The following TXNDC5 variants were observed in gnomAD, a reference collection of about 807,000 sequenced individuals.
TXNDC5 encodes thioredoxin domain containing 5.
A neutral mutation model predicts 52.6 loss-of-function variants in TXNDC5; 44 were observed. The observed-to-expected ratio is 0.84, with a 90% confidence interval of 0.66 to 1.08. The LOEUF is 1.08. TXNDC5 is among the 50% of genes least tolerant of loss of function. TXNDC5 has a pLI of 0.00. For synonymous variants in TXNDC5, 241 were observed against 234.4 expected (o/e 1.03, Z -0.26); for missense variants, 600 against 565.5 (o/e 1.06, Z -0.62).
rs1036520034 is a variant in TXNDC5 at position 7,908,196 on chromosome 6, T to C, written c.263+2318A>G. ...TTCTCAGGAGGCTGAGGCAGGAGAATCGCTTAAACCCAGGAGGTGGAGGTT... is the reference window on the plus strand; with the variant it reads ...TTCTCAGGAGGCTGAGGCAGGAGAACCGCTTAAACCCAGGAGGTGGAGGTT... On this transcript the variant is annotated intron_variant, in intron 1 of 9. Transcript: ENST00000379757. Among the ~76,000 whole-genome samples the C allele has an allele frequency of 1.3e-4, 19 of 143,950 alleles. No homozygotes were observed. The East Asian group carries it at 3.7e-3, about 28-fold the overall frequency. 94.4% of individuals were successfully genotyped at this position (143,950 alleles called of 152,430 possible).
At chr6:7,893,950 CTA>C (rs1425934059) in intron 4 of TXNDC5, among the ~76,000 whole-genome samples, 2 of 152,128 alleles carry the variant, frequency 1.3e-5, no homozygotes, top group African/African-American at 4.8e-5. Flanking sequence ...TGAAACACAT[CTA>C]TGTGTGAATA....
chr6:7,903,742 T>C (rs1041296461), intron 2 of TXNDC5, among the ~76,000 whole-genome samples: 3 of 152,256 alleles, frequency 2.0e-5, no homozygotes, highest in African/African-American at 7.2e-5. Flanking sequence ...GAAGTGACCG[T>C]GGCAATCCCT....
At chr6:7,899,316 T>C (rs1760481249) in intron 3 of TXNDC5, among the ~76,000 whole-genome samples, 1 of 152,186 alleles carries the variant, frequency 6.6e-6, no homozygotes, top group African/African-American at 2.4e-5. Flanking sequence ...AACACCAAAA[T>C]GGTGGTAACT....
At chr6:7,892,769 G>A (rs1018662403) in intron 4 of TXNDC5, among the ~76,000 whole-genome samples, 6 of 152,190 alleles carry the variant, frequency 3.9e-5, no homozygotes, top group African/African-American at 1.2e-4. Context: ...GTGAGGCTTC[G>A]CCAGCCACGT....
chr6:7,909,690 A>C (rs183301116), intron 1 of TXNDC5: 1 of 816,582 alleles, frequency 1.2e-6, no homozygotes, highest in Non-Finnish European at 1.5e-6. Flanking sequence ...CCTGAGCTGC[A>C]GGGGGGCGGA....
chr6:7,908,067 G>A (rs1760794219), intron 1 of TXNDC5, among the ~76,000 whole-genome samples: 1 of 152,052 alleles, frequency 6.6e-6, no homozygotes, highest in Admixed American at 6.5e-5. Flanking sequence ...GGCAGAACAC[G>A]AGGTCAAGAG....
At chr6:7,898,773 CATG>C (rs34743502) in intron 3 of TXNDC5, among the ~76,000 whole-genome samples, 47,388 of 151,692 alleles carry the variant, frequency 0.31, 8,055 homozygotes, top group East Asian at 0.65. Context: ...GGTTTATGAT[CATG>C]ATGATTTATA....
At chr6:7,905,964 T>C (rs1164787516) in intron 1 of TXNDC5, among the ~76,000 whole-genome samples, 1 of 152,236 alleles carries the variant, frequency 6.6e-6, no homozygotes, top group Non-Finnish European at 1.5e-5. Context: ...TTTAAGTCGG[T>C]AGCAGTGGCT....
intron 4 of TXNDC5, among the ~76,000 whole-genome samples, chr6:7,893,730 C>T (rs976049453): frequency 6.6e-6 from 1 of 152,206 alleles, no homozygotes; most frequent in African/African-American, 2.4e-5. Context: ...GAAGGCCTCA[C>T]GATAAGTTAC....
At chr6:7,897,549 T>C (rs1229502714) in intron 3 of TXNDC5, among the ~76,000 whole-genome samples, 1 of 152,180 alleles carries the variant, frequency 6.6e-6, no homozygotes, top group Non-Finnish European at 1.5e-5. Context: ...GACACTAAAA[T>C]ATGGCAAGTT....
rs536932097 is a variant in TXNDC5, at chr6:7,892,092, A to G, written c.617-356T>C. Among the ~76,000 whole-genome samples, 225 of 152,348 alleles carry G rather than the reference A, an allele frequency of 1.5e-3. 1 individual carries two copies. Among genetic ancestry groups the G allele is most frequent in the African/African-American group, 5.2e-3 (216 of 41,582 alleles). ...TGAGTTTCTCTTGGTTAAAAAATGA[A>G]GGGACGCTTGAATGAGCCTCGGCAC... On this transcript the variant is annotated intron_variant, in intron 4 of 9. Coordinates refer to ENST00000379757, the MANE Select transcript of TXNDC5 (RefSeq NM_030810.5).
intron 7 of TXNDC5, among the ~76,000 whole-genome samples, chr6:7,886,249 A>G (rs962773560): frequency 1.3e-5 from 2 of 152,230 alleles, no homozygotes; most frequent in African/African-American, 2.4e-5. Context: ...AGAGAGATCA[A>G]TGCAAGTCCC....
At position 7,895,178 on chromosome 6, in the gene TXNDC5, G is replaced by A. The variant is rs771976190; in HGVS notation, c.544C>T (p.Pro182Ser). The A allele has an allele frequency of 1.2e-6, 2 of 1,613,518 alleles. No homozygotes were observed. Among genetic ancestry groups the A allele is most frequent in the Non-Finnish European group, 1.7e-6 (2 of 1,179,774 alleles). The change falls in exon 4 of 10, where the codon CCC becomes TCC. Residue 182 changes from proline (P) to serine (S), a missense_variant. Transcript: ENST00000379757. Reference protein sequence around the residue: ...PVTPEPEVEPPSAPELKQGLY... With the variant: ...PVTPEPEVEPSSAPELKQGLY... Reference sequence around the variant, plus strand: ...CCTTGCTTGAGCTCGGGGGCACTGGGCGGTTCCACTTCCGGCTCTGGTGTC... The same window carrying A: ...CCTTGCTTGAGCTCGGGGGCACTGGACGGTTCCACTTCCGGCTCTGGTGTC...
chr6:7,908,978 G>C (rs971797602), intron 1 of TXNDC5, among the ~76,000 whole-genome samples: 10 of 152,320 alleles, frequency 6.6e-5, no homozygotes, highest in African/African-American at 2.4e-4. Context: ...TGTTAATACT[G>C]CCTGATTGTT....
chr6:7,884,089 G>T (rs566587556), intron 9 of TXNDC5, among the ~76,000 whole-genome samples: 2 of 152,316 alleles, frequency 1.3e-5, no homozygotes, highest in East Asian at 3.9e-4. Context: ...CTATGGCGTG[G>T]GGTCTGTTAC....
intron 4 of TXNDC5, 193 bp downstream of exon 4, chr6:7,894,913 C>A (rs1295966422): frequency 1.0e-6 from 1 of 985,282 alleles, no homozygotes; most frequent in Non-Finnish European, 1.2e-6. Context: ...TCTATAAGGG[C>A]ACAGACAAAA....
chr6:7,896,332 C>T (rs1478875288), intron 3 of TXNDC5, among the ~76,000 whole-genome samples: 1 of 152,208 alleles, frequency 6.6e-6, no homozygotes, highest in Non-Finnish European at 1.5e-5. Context: ...ATGTGTGCAG[C>T]TGTCTAGTCA....
At chr6:7,899,461 G>T in intron 3 of TXNDC5, 115 bp downstream of exon 3, 3 of 610,464 alleles carry the variant, frequency 4.9e-6, no homozygotes, top group South Asian at 2.8e-5. Flanking sequence ...GCTTTAAAAT[G>T]GCAGCCTTAA....
intron 8 of TXNDC5, 121 bp from the exon 9 acceptor site, chr6:7,884,609 T>C: frequency 7.2e-7 from 1 of 1,383,570 alleles, no homozygotes; most frequent in East Asian, 2.4e-5. Context: ...CCTAGAAATT[T>C]GTAAAATACC....
Sources: gnomAD v4.1 joint callset for allele counts (sites outside exome capture counted in the v4.1 genomes callset) on GRCh38, gnomAD v4.1.1 for gene constraint, MANE v1.5 for transcripts, NCBI Gene and HGNC (gene_info 2026-07-23, HGNC 2026-07-21) for gene names.